The following GRID2 variants were observed in gnomAD, a reference collection of about 807,000 sequenced individuals.
The protein encoded by GRID2 is glutamate ionotropic receptor delta type subunit 2.
A neutral mutation model predicts 114.8 loss-of-function variants in GRID2; 33 were observed. The observed-to-expected ratio is 0.29, with a 90% CI of 0.22 to 0.38. GRID2 has a LOEUF of 0.38. Ranked by LOEUF, GRID2 falls within the 10% of genes least tolerant of loss-of-function variation. GRID2 has a pLI of 1.00. For synonymous variants in GRID2, 505 were observed against 449.9 expected, an observed-to-expected ratio of 1.12 and a Z score of -1.55; for missense variants, 1,184 against 1,257.7, an observed-to-expected ratio of 0.94 and a Z score of 0.89.
intron 10 of GRID2, among the ~76,000 whole-genome samples, chr4:93,448,442 G>T (rs1722299490): frequency 6.6e-6 from 1 of 151,762 alleles, no homozygotes; most frequent in Non-Finnish European, 1.5e-5. Flanking sequence ...ACATTTTTGG[G>T]ATATGGATCA....
At chr4:92,735,673 CTT>C (rs1736556048) in intron 2 of GRID2, among the ~76,000 whole-genome samples, 1 of 152,216 alleles carries the variant, frequency 6.6e-6, no homozygotes, top group African/African-American at 2.4e-5. Context: ...CTCAGACTCT[CTT>C]GAACTTCTTT....
intron 14 of GRID2, among the ~76,000 whole-genome samples, chr4:93,725,890 G>C (rs1729833806): frequency 6.6e-6 from 1 of 152,082 alleles, no homozygotes; most frequent in South Asian, 2.1e-4. Context: ...TTAGCCCTTT[G>C]TCAGATGATT....
At chr4:93,461,340 A>C (rs1560643942) in intron 11 of GRID2, among the ~76,000 whole-genome samples, 1 of 152,082 alleles carries the variant, frequency 6.6e-6, no homozygotes. Context: ...AGGCTTATAA[A>C]CCCTATGAAA....
chr4:92,972,915 T>C (rs1753620109), intron 2 of GRID2, among the ~76,000 whole-genome samples: 1 of 152,128 alleles, frequency 6.6e-6, no homozygotes, highest in Non-Finnish European at 1.5e-5. Context: ...GCTCTATCTA[T>C]GTCCCTGCAA....
At chr4:92,535,959 G>A (rs182947708) in intron 1 of GRID2, among the ~76,000 whole-genome samples, 1 of 152,274 alleles carries the variant, frequency 6.6e-6, no homozygotes, top group East Asian at 1.9e-4. Flanking sequence ...GGCTTCAGGA[G>A]AGATGGTGCA....
rs182099636 is a variant in GRID2, at chr4:93,020,454, T to A, written c.245-64541T>A. On this transcript the variant is annotated intron_variant, in intron 2 of 15. Coordinates refer to ENST00000282020, the MANE Select transcript of GRID2 (RefSeq NM_001510.4). ...ATCACTAGATTATTAAAAGTTCACATACATATGCCACTGTGGCAAAAGGAT... is the reference window on the plus strand; with the variant it reads ...ATCACTAGATTATTAAAAGTTCACAAACATATGCCACTGTGGCAAAAGGAT... Among the ~76,000 whole-genome samples, 140 of 152,282 alleles carry A rather than the reference T, an allele frequency of 9.2e-4. 1 individual carries two copies. In the East Asian group the frequency reaches 0.019, roughly 21 times the overall value.
intron 2 of GRID2, among the ~76,000 whole-genome samples, chr4:93,071,042 CA>C (rs1017457312): frequency 6.6e-6 from 1 of 152,032 alleles, no homozygotes; most frequent in African/African-American, 2.4e-5. Context: ...AGTCTTATTA[CA>C]AAAGAATATC....
At chr4:93,582,355 A>C (rs1737065374) in intron 13 of GRID2, among the ~76,000 whole-genome samples, 1 of 152,160 alleles carries the variant, frequency 6.6e-6, no homozygotes, top group African/African-American at 2.4e-5. Context: ...CATCCCAGAT[A>C]ATCTCCCCAT....
chr4:93,790,629 T>A (rs2110358344), intron 1 of GRID2, among the ~76,000 whole-genome samples: 1 of 152,184 alleles, frequency 6.6e-6, no homozygotes, highest in East Asian at 1.9e-4. Flanking sequence ...TATAAAATTA[T>A]TGAAATATTT....
chr4:93,046,315 G>A (rs1726131262), intron 2 of GRID2, among the ~76,000 whole-genome samples: 2 of 151,966 alleles, frequency 1.3e-5, no homozygotes, highest in Non-Finnish European at 2.9e-5. Flanking sequence ...CTGGCATCTA[G>A]CTTTTGGAAT....
intron 1 of GRID2, among the ~76,000 whole-genome samples, chr4:92,535,489 C>T (rs1725573616): frequency 6.6e-6 from 1 of 152,092 alleles, no homozygotes; most frequent in Non-Finnish European, 1.5e-5. Flanking sequence ...ATATAAACTT[C>T]CTGGGATTGC....
At chr4:92,561,708 A>G (rs1261724788) in intron 1 of GRID2, among the ~76,000 whole-genome samples, 2 of 152,168 alleles carry the variant, frequency 1.3e-5, no homozygotes, top group Non-Finnish European at 2.9e-5. Context: ...AGATTCATTA[A>G]CAAAAATTTT....
intron 2 of GRID2, among the ~76,000 whole-genome samples, chr4:92,597,612 T>C (rs1203657603): frequency 6.6e-6 from 1 of 152,192 alleles, no homozygotes; most frequent in Admixed American, 6.5e-5. Context: ...TTTGTTCTTT[T>C]GTTGTCTGTG....
intron 2 of GRID2, among the ~76,000 whole-genome samples, chr4:92,737,143 T>C (rs1380049020): frequency 1.3e-5 from 2 of 152,120 alleles, no homozygotes; most frequent in African/African-American, 4.8e-5. Context: ...ACTATTGGCA[T>C]GTACAGTTTG....
chr4:92,700,546 C>T (rs1734621135), intron 2 of GRID2, among the ~76,000 whole-genome samples: 1 of 152,068 alleles, frequency 6.6e-6, no homozygotes, highest in South Asian at 2.1e-4. Flanking sequence ...TAATTTATTT[C>T]CACTTGTTCA....
At chr4:93,563,645 T>TA (rs1483781004) in intron 13 of GRID2, among the ~76,000 whole-genome samples, 17 of 151,944 alleles carry the variant, frequency 1.1e-4, no homozygotes, top group Admixed American at 2.0e-4. Context: ...GTGTGTTTTT[T>TA]AAAAAAATCT....
chr4:93,724,587 C>G (rs959111719), intron 14 of GRID2, among the ~76,000 whole-genome samples: 1 of 151,918 alleles, frequency 6.6e-6, no homozygotes, highest in Middle Eastern at 3.2e-3. Context: ...CCTGTTGATC[C>G]TTTAATCAAA....
rs370065589 is a variant in GRID2, at chr4:92,376,868, C to G, written c.88+72124C>G. On this transcript the variant is annotated intron_variant, in intron 1 of 15. Coordinates refer to ENST00000282020, the MANE Select transcript of GRID2 (RefSeq NM_001510.4). ...AGCCAAGGATGGAGTAGCTGGGACA[C>G]AGGGCACCAAGTCCCTAGGCTACAC... 3.1e-4 allele frequency among the ~76,000 whole-genome samples: 47 copies of G among 152,248 alleles called. 1 individual carries two copies. In the South Asian group the frequency reaches 9.7e-3, roughly 32 times the overall value.
At chr4:92,468,362 T>C (rs1427338857) in intron 1 of GRID2, among the ~76,000 whole-genome samples, 2 of 151,920 alleles carry the variant, frequency 1.3e-5, no homozygotes, top group South Asian at 2.1e-4. Flanking sequence ...AGAACTGGGA[T>C]TGGATCCCAG....
Sources: allele counts gnomAD v4.1 joint callset (sites outside exome capture counted in the v4.1 genomes callset), GRCh38; gene constraint gnomAD v4.1.1; transcripts MANE v1.5; gene names NCBI Gene and HGNC (gene_info 2026-07-23, HGNC 2026-07-21).